Variants in CAMK2D observed in about 807,000 individuals in gnomAD.
CAMK2D encodes the protein calcium/calmodulin-dependent protein kinase type II subunit delta.
CAMK2D carries 37 observed loss-of-function variants against 84.0 expected under a neutral mutation model. The observed-to-expected ratio is 0.44, with a 90% CI of 0.34 to 0.58. The LOEUF (loss-of-function observed/expected upper bound fraction) is 0.58, where lower values mean the gene tolerates loss of function less well. CAMK2D is among the 20% of genes least tolerant of loss of function. CAMK2D has a pLI of 0.02. For synonymous variants in CAMK2D, 202 were observed against 212.5 expected, an observed-to-expected ratio of 0.95 and a Z score of 0.43; for missense variants, 448 against 652.5, an observed-to-expected ratio of 0.69 and a Z score of 3.41.
intron 3 of CAMK2D, among the ~76,000 whole-genome samples, chr4:113,637,569 T>C (rs752850279): frequency 6.6e-6 from 1 of 152,192 alleles, no homozygotes; most frequent in Non-Finnish European, 1.5e-5. Context: ...GGAAGCTAAA[T>C]GCAATCTTTT....
chr4:113,544,312 C>A (rs1040438524), intron 6 of CAMK2D, among the ~76,000 whole-genome samples: 1 of 152,156 alleles, frequency 6.6e-6, no homozygotes, highest in African/African-American at 2.4e-5. Flanking sequence ...CCTTTTGATT[C>A]ACTAAACTTA....
At chr4:113,686,883 CACACACAT>C (rs1477387357) in intron 2 of CAMK2D, among the ~76,000 whole-genome samples, 1 of 151,426 alleles carries the variant, frequency 6.6e-6, no homozygotes, top group Admixed American at 6.6e-5. Context: ...CACACACACA[CACACACAT>C]ACACTTCAAG....
chr4:113,474,353 C>T (rs2097579283), intron 16 of CAMK2D, among the ~76,000 whole-genome samples: 1 of 152,154 alleles, frequency 6.6e-6, no homozygotes, highest in Non-Finnish European at 1.5e-5. Flanking sequence ...TCTAAGCATT[C>T]TCTAAGGGTA....
chr4:113,649,969 C>G (rs1490148161), intron 3 of CAMK2D, among the ~76,000 whole-genome samples: 8 of 152,080 alleles, frequency 5.3e-5, no homozygotes, highest in Admixed American at 6.5e-5. Context: ...GTAATCCCAG[C>G]TACTCGGGAG....
rs2097274014 is a variant in CAMK2D, at chr4:113,453,776, TA to T, written c.*768del. Reference sequence around the variant, plus strand: ...AAACGAAAGGAACAAAGAAACAGGATAAAGAAAAGAGATCACAGATTTGAGA... The same window carrying T: ...AAACGAAAGGAACAAAGAAACAGGATAAGAAAAGAGATCACAGATTTGAGA... On this transcript the variant is annotated 3_prime_UTR_variant, in exon 21 of 21. Transcript: ENST00000511664. 6.6e-6 allele frequency: 1 copy of T among 152,204 alleles called. No homozygotes were observed. Among genetic ancestry groups the T allele is most frequent in the African/African-American group, 2.4e-5 (1 of 41,328 alleles). The allele number at this position is 152,204 out of a possible 1,614,324, so 9.4% of individuals were successfully genotyped here. A position where few individuals can be genotyped will look rare whatever the true frequency, so the allele number is the denominator to read the frequency against.
At chr4:113,579,584 CCT>C (rs2098798924) in intron 4 of CAMK2D, among the ~76,000 whole-genome samples, 2 of 152,014 alleles carry the variant, frequency 1.3e-5, no homozygotes, top group Non-Finnish European at 2.9e-5. Context: ...TCTCTTGCTC[CCT>C]CTCTTGCCAT....
chr4:113,571,729 G>T (rs1188801270), intron 4 of CAMK2D, among the ~76,000 whole-genome samples: 1 of 152,128 alleles, frequency 6.6e-6, no homozygotes, highest in East Asian at 1.9e-4. Flanking sequence ...AAAAAAATTA[G>T]CTGGGCATGG....
chr4:113,482,789 A>G (rs2097717392), intron 16 of CAMK2D, among the ~76,000 whole-genome samples: 1 of 152,262 alleles, frequency 6.6e-6, no homozygotes, highest in South Asian at 2.1e-4. Flanking sequence ...TGCATATTGC[A>G]AAGAATTTCC....
intron 2 of CAMK2D, among the ~76,000 whole-genome samples, chr4:113,685,447 C>G (rs2099357160): frequency 1.3e-5 from 2 of 151,738 alleles, no homozygotes; most frequent in South Asian, 4.2e-4. Context: ...ACCATGTTGC[C>G]CAGGATGGTC....
At chr4:113,461,429 G>A (rs911995322) in intron 17 of CAMK2D, among the ~76,000 whole-genome samples, 2 of 152,154 alleles carry the variant, frequency 1.3e-5, no homozygotes, top group Non-Finnish European at 2.9e-5. Context: ...AGTTTTCCAG[G>A]TGTGTGGGAG....
chr4:113,616,032 A>G (rs2099019717), intron 3 of CAMK2D, among the ~76,000 whole-genome samples: 1 of 152,188 alleles, frequency 6.6e-6, no homozygotes, highest in Non-Finnish European at 1.5e-5. Flanking sequence ...CTCAAAAGTT[A>G]AAATTAATTT....
chr4:113,574,787 C>G (rs2098772341), intron 4 of CAMK2D, among the ~76,000 whole-genome samples: 2 of 152,184 alleles, frequency 1.3e-5, no homozygotes, highest in African/African-American at 4.8e-5. Flanking sequence ...TATTTGCCAA[C>G]TCTCAGACTC....
chr4:113,586,101 G>A (rs968139122), intron 4 of CAMK2D, among the ~76,000 whole-genome samples: 1 of 152,142 alleles, frequency 6.6e-6, no homozygotes, highest in Non-Finnish European at 1.5e-5. Context: ...CTTGGTCCAT[G>A]TGTCCTGTAC....
intron 14 of CAMK2D, chr4:113,503,202 G>T: frequency 1.4e-6 from 1 of 721,034 alleles, no homozygotes; most frequent in South Asian, 1.4e-5. Flanking sequence ...GCATGCAAAA[G>T]ACCTTATTCT....
At chr4:113,711,141 T>C (rs937557384) in intron 2 of CAMK2D, among the ~76,000 whole-genome samples, 2 of 148,736 alleles carry the variant, frequency 1.3e-5, no homozygotes. Flanking sequence ...TTATTAAATA[T>C]AAAAATATAA....
chr4:113,593,200 G>C (rs1325474267), intron 4 of CAMK2D, among the ~76,000 whole-genome samples: 1 of 152,088 alleles, frequency 6.6e-6, no homozygotes, highest in African/African-American at 2.4e-5. Flanking sequence ...TTTGGTTTCC[G>C]GTATGGTGTG....
chr4:113,748,323 T>C (rs1284152968), intron 2 of CAMK2D, among the ~76,000 whole-genome samples: 1 of 152,136 alleles, frequency 6.6e-6, no homozygotes, highest in African/African-American at 2.4e-5. Context: ...AGTTAAAATT[T>C]AGAATCACGC....
At chr4:113,560,317 C>T (rs1180795999) in intron 4 of CAMK2D, among the ~76,000 whole-genome samples, 1 of 151,742 alleles carries the variant, frequency 6.6e-6, no homozygotes, top group African/African-American at 2.4e-5. Context: ...ACTAATTCTA[C>T]AAATATTACT....
intron 2 of CAMK2D, among the ~76,000 whole-genome samples, chr4:113,708,599 T>C (rs919459964): frequency 2.0e-5 from 3 of 152,338 alleles, no homozygotes; most frequent in Non-Finnish European, 2.9e-5. Context: ...AGTTTTTTTT[T>C]CCTCAGCTGT....
Sources: allele counts gnomAD v4.1 joint callset (sites outside exome capture counted in the v4.1 genomes callset), GRCh38; gene constraint gnomAD v4.1.1; transcripts MANE v1.5; gene names NCBI Gene and HGNC (gene_info 2026-07-23, HGNC 2026-07-21).